Variants in PIGR observed in about 807,000 individuals in gnomAD.
PIGR encodes the protein hepatocellular carcinoma associated protein TB6.
In PIGR, 22 loss-of-function variants were observed where a neutral mutation model predicts 69.5. The observed-to-expected ratio is 0.32, with a 90% CI of 0.23 to 0.45. The LOEUF (loss-of-function observed/expected upper bound fraction) is 0.45. Among genes scored for constraint, PIGR ranks in the 20% least tolerant of loss-of-function variants. PIGR has a pLI of 1.00. For missense variants in PIGR, 885 were observed against 974.0 expected (o/e 0.91, Z 1.22); for synonymous variants, 413 against 407.6 (o/e 1.01, Z -0.16).
rs758782692 is a variant in PIGR at position 206,937,140 on chromosome 1, G to T, written c.1000C>A (p.Gln334Lys). The T allele has an allele frequency of 7.4e-6, 12 of 1,612,184 alleles. No individual in the cohort carries two copies. In the Admixed American group the frequency reaches 1.0e-4, roughly 13 times the overall value. Residue 334 changes from glutamine (Q) to lysine (K), a missense_variant, in exon 4 of 11, where the codon CAG (glutamine) becomes AAG (lysine). By Grantham distance (53) the Gln-to-Lys change is moderately conservative. Transcript: ENST00000356495. ...LCGAHSDGQL[Q>K]EGSPIQAWQL... ...CAGGCCTGGATAGGCGAGCCTTCCT[G>T]CAGCTGACCATCCGAATGGGCTCCA...
At chr1:206,941,829 C>A (rs563330518) in intron 1 of PIGR, among the ~76,000 whole-genome samples, 1 of 152,346 alleles carries the variant, frequency 6.6e-6, no homozygotes, top group African/African-American at 2.4e-5. Flanking sequence ...CTTTCCCAGA[C>A]TTTGACAGAC....
intron 7 of PIGR, among the ~76,000 whole-genome samples, 192 bp from the exon 8 acceptor site, chr1:206,932,769 C>T (rs1473099860): frequency 6.6e-6 from 1 of 152,214 alleles, no homozygotes; most frequent in African/African-American, 2.4e-5. Context: ...TTGTTGCATC[C>T]TAGGCCTGGA....
chr1:206,930,748 A>G lies in PIGR; in HGVS notation c.2200-335T>C, dbSNP rs1679723523. On this transcript the variant is annotated intron_variant, in intron 10 of 10. Coordinates refer to ENST00000356495, the MANE Select transcript of PIGR (RefSeq NM_002644.4). The surrounding 1 kb of genome is among the most constrained non-coding windows in gnomAD (Gnocchi z 4.3). The stretch of plus-strand genomic sequence containing the variant: ...AGGCTGGGGTCAACCACGGTGGTGT[A>G]TGTTTTTCTTTCTCCACCAGCCCAG... 4.1e-6 allele frequency: 4 copies of G among 985,236 alleles called. No homozygotes were observed. The Admixed American group carries it at 2.5e-4, about 61-fold the overall frequency. The allele number at this position is 985,236 out of a possible 1,614,324, so 61.0% of individuals were successfully genotyped here.
chr1:206,934,619 G>T lies in PIGR; in HGVS notation c.1506C>A (p.Gly502=), dbSNP rs767766965. Residue 502 remains glycine, a synonymous_variant, in exon 6 of 11, where the codon GGC becomes GGA. Coordinates refer to ENST00000356495, the MANE Select transcript of PIGR (RefSeq NM_002644.4). ...CGTCTTGGCTGGGCAGGGCCTGGCA[G>T]CCCGTGTTATTCCACTTGCACCAGT... ...EKYWCKWNNT[G]CQALPSQDEG... 9.3e-6 allele frequency: 15 copies of T among 1,614,180 alleles called. 1 individual carries two copies. The highest frequency in any genetic ancestry group is 6.8e-6 in the Non-Finnish European group (8 of 1,180,022).
chr1:206,939,096 G>T, intron 3 of PIGR, 23 bp downstream of exon 3: 1 of 1,571,824 alleles, frequency 6.4e-7, no homozygotes, highest in Non-Finnish European at 8.7e-7. Context: ...TCCCCCAGAA[G>T]CCCAAGGAGC....
At position 206,935,422 on chromosome 1, in the gene PIGR, G is replaced by C. The variant is rs1679843606; in HGVS notation, c.1378+64C>G. ...AGGCGGGTGAAAAAGGAGGAAGAGT[G>C]GTTGGGGATGCTGCTGCTGGCTGGA... On this transcript the variant is annotated intron_variant, in intron 5 of 10. Transcript: ENST00000356495. This position sits in a 1 kb window ranked among gnomAD's most constrained non-coding sequence, Gnocchi z 4.4. 7.4e-7 allele frequency: 1 copy of C among 1,357,994 alleles called. No homozygotes were observed. The highest frequency in any genetic ancestry group is 1.4e-5 in the African/African-American group (1 of 70,268). The allele number at this position is 1,357,994 out of a possible 1,614,324, so 84.1% of individuals were successfully genotyped here. A position where few individuals can be genotyped will look rare whatever the true frequency, so the allele number is the denominator to read the frequency against.
chr1:206,934,637 G>A lies in PIGR; in HGVS notation c.1488C>T (p.Cys496=). ...CKFSSYEKYW[C]KWNNTGCQAL... is the part of the protein sequence containing the mutation. ...CCTGGCAGCCCGTGTTATTCCACTTGCACCAGTATTTCTCGTACGAGGAGA... is the reference window on the plus strand; with the variant it reads ...CCTGGCAGCCCGTGTTATTCCACTTACACCAGTATTTCTCGTACGAGGAGA... Residue 496 remains cysteine (C), a synonymous_variant, in exon 6 of 11, where the codon TGC becomes TGT. Coordinates refer to ENST00000356495, the MANE Select transcript of PIGR (RefSeq NM_002644.4). The A allele has an allele frequency of 6.2e-7, 1 of 1,614,144 alleles. No homozygotes were observed.
At chr1:206,944,187 A>G (rs1171615226) in intron 1 of PIGR, among the ~76,000 whole-genome samples, 1 of 152,170 alleles carries the variant, frequency 6.6e-6, no homozygotes, top group Non-Finnish European at 1.5e-5. Flanking sequence ...ATAAGGAGAC[A>G]CCTGGGGCCG....
intron 1 of PIGR, among the ~76,000 whole-genome samples, chr1:206,944,354 T>A (rs1313683042): frequency 6.6e-6 from 1 of 152,032 alleles, no homozygotes; most frequent in Non-Finnish European, 1.5e-5. Flanking sequence ...GGGTCTGTAA[T>A]CCCAGCTACT....
In PIGR at chr1:206,930,227, G is replaced by A. The variant is rs1272195774; in HGVS notation, c.*91C>T. The A allele has an allele frequency of 3.6e-6, 4 of 1,118,624 alleles. No individual in the cohort carries two copies. The African/African-American group carries it at 4.7e-5, about 13-fold the overall frequency. 69.3% of individuals were successfully genotyped at this position (1,118,624 alleles called of 1,614,324 possible). A position where few individuals can be genotyped will look rare whatever the true frequency, so the allele number is the denominator to read the frequency against. On this transcript the variant is annotated 3_prime_UTR_variant, in exon 11 of 11. Coordinates refer to ENST00000356495, the MANE Select transcript of PIGR (RefSeq NM_002644.4). This position sits in a 1 kb window ranked among gnomAD's most constrained non-coding sequence, Gnocchi z 4.3. The stretch of plus-strand genomic sequence containing the variant: ...AAAAACCTAGGCAGGTGTTAGAGCA[G>A]GGAGTGGGGTCCCCAGGAGCTGAGG...
chr1:206,932,927 GCC>G (rs1679785775), intron 7 of PIGR, 57 bp downstream of exon 7: 5 of 1,554,070 alleles, frequency 3.2e-6, no homozygotes, highest in Non-Finnish European at 4.4e-6. Flanking sequence ...TGGTGGCCCA[GCC>G]TCAGGTGCTC....
chr1:206,944,454 CA>C (rs1315348156), intron 1 of PIGR, among the ~76,000 whole-genome samples: 1 of 152,102 alleles, frequency 6.6e-6, no homozygotes, highest in Non-Finnish European at 1.5e-5. Flanking sequence ...GCCTGGGTGA[CA>C]GGGCAAGATT....
chr1:206,937,239 G>T lies in PIGR; in HGVS notation c.901C>A (p.Pro301Thr), dbSNP rs769526507. 1 of 1,614,184 alleles carries T rather than the reference G, an allele frequency of 6.2e-7. No homozygotes were observed. The highest frequency in any genetic ancestry group is 8.5e-7 in the Non-Finnish European group (1 of 1,180,028). The change falls in exon 4 of 11, where the codon CCC (proline) becomes ACC (threonine). Residue 301 changes from proline to threonine, a missense_variant. By Grantham distance (38) the Pro-to-Thr change is conservative. Coordinates refer to ENST00000356495, the MANE Select transcript of PIGR (RefSeq NM_002644.4). ...CTGAATGAGCCATCCTTGTCCTGGG[G>T]GTTGAGCAGGATCCTGCCCTCAAAG... is the stretch of plus-strand genomic sequence containing the variant. ...PAFEGRILLN[P>T]QDKDGSFSVV... is the part of the protein sequence containing the mutation.
chr1:206,931,926 G>A (rs1410196244), intron 8 of PIGR, 124 bp from the exon 9 acceptor site: 6 of 1,028,500 alleles, frequency 5.8e-6, no homozygotes, highest in Non-Finnish European at 7.5e-6. Context: ...GTGCAGCTCT[G>A]ACTATGACCC....
Position 206,933,026 on chromosome 1 carries a change from C to G in PIGR, c.1846G>C (p.Asp616His). The G allele has an allele frequency of 6.2e-7, 1 of 1,614,230 alleles. No individual in the cohort carries two copies. The highest frequency in any genetic ancestry group is 8.5e-7 in the Non-Finnish European group (1 of 1,180,046). The change falls in exon 7 of 11, where the codon GAT becomes CAT. Residue 616 changes from aspartate (D) to histidine (H), a missense_variant. Asp to His is a moderately conservative substitution (Grantham distance 81). Transcript: ENST00000356495. ...GATGCTCTGCTCCCATCGGCTTGAT[C>G]TCTTGTATCTGCCACCGCCTTTTCC... ...AEEKAVADTRDQADGSRASVD... is the reference protein window; with the variant it reads ...AEEKAVADTRHQADGSRASVD...
Position 206,929,093 on chromosome 1 carries a change from A to C in PIGR, c.*1225T>G, listed in dbSNP as rs1030328192. The stretch of plus-strand genomic sequence containing the variant: ...ACAAAAAAAAAAAAAAAAAAAAAAA[A>C]TTAGCCAGACATGGTGGCCCACATC... On this transcript the variant is annotated 3_prime_UTR_variant, in exon 11 of 11. Transcript: ENST00000356495. 2.9e-5 allele frequency: 4 copies of C among 136,054 alleles called. No individual in the cohort carries two copies. Among genetic ancestry groups the C allele is most frequent in the Admixed American group, 2.2e-4 (3 of 13,638 alleles). 8.4% of individuals were successfully genotyped at this position (136,054 alleles called of 1,614,324 possible).
rs755283363 is a variant in PIGR at position 206,934,737 on chromosome 1, T to C, written c.1388A>G (p.Asn463Ser). 1 of 1,604,242 alleles carries C rather than the reference T, an allele frequency of 6.2e-7. No individual in the cohort carries two copies. Among genetic ancestry groups the C allele is most frequent in the Admixed American group, 1.7e-5 (1 of 59,962 alleles). Residue 463 changes from asparagine to serine, a missense_variant, in exon 6 of 11, where the codon AAC becomes AGC. Physicochemically the swap from Asn to Ser is conservative, Grantham distance 46. Transcript: ENST00000356495. Reference sequence around the variant, plus strand: ...CGTGACATTCCCTGGTACCTTGAGGTTTGGTTCTCCTGGAGGAGGGAGGGA... The same window carrying C: ...CGTGACATTCCCTGGTACCTTGAGGCTTGGTTCTCCTGGAGGAGGGAGGGA... ...VEIKIIEGEP[N>S]LKVPGNVTAV...
intron 1 of PIGR, among the ~76,000 whole-genome samples, chr1:206,944,264 G>C (rs1435153958): frequency 6.6e-6 from 1 of 152,158 alleles, no homozygotes; most frequent in Non-Finnish European, 1.5e-5. Context: ...CATGAGGTCA[G>C]GAGTTCAAGA....
chr1:206,939,188 G>T lies in PIGR; in HGVS notation c.319C>A (p.Arg107Ser), dbSNP rs767630842. The stretch of plus-strand genomic sequence containing the variant: ...TTGATGCCCAGGCCACACTTGTAGC[G>T]CCCGGAGTCATCCTGGCTCAGCTGG... ...IAQLSQDDSG[R>S]YKCGLGINSR... The change falls in exon 3 of 11, where the codon CGC becomes AGC. Residue 107 changes from arginine (R) to serine (S), a missense_variant. Coordinates refer to ENST00000356495, the MANE Select transcript of PIGR (RefSeq NM_002644.4). The T allele has an allele frequency of 4.3e-6, 7 of 1,614,158 alleles. No homozygotes were observed. The highest frequency in any genetic ancestry group is 1.6e-4 in the Middle Eastern group (1 of 6,062).
Sources: gnomAD v4.1 joint callset for allele counts (sites outside exome capture counted in the v4.1 genomes callset) on GRCh38, gnomAD v4.1.1 for gene constraint, Gnocchi (gnomAD v3.1) non-coding constraint, MANE v1.5 for transcripts, NCBI Gene and HGNC (gene_info 2026-07-23, HGNC 2026-07-21) for gene names.